The following COG6 variants were observed in gnomAD, a reference collection of about 807,000 sequenced individuals.
The protein encoded by COG6 is component of oligomeric golgi complex 6, also known as conserved oligomeric Golgi complex subunit 6.
In COG6, 74 loss-of-function variants were observed where a neutral mutation model predicts 88.8. The ratio of observed to expected loss-of-function variants is 0.83; its 90% CI spans 0.69 to 1.01. The LOEUF (loss-of-function observed/expected upper bound fraction) is 1.01. COG6 is among the 50% of genes least tolerant of loss of function. COG6 has a pLI of 0.00. For synonymous variants in COG6, 286 were observed against 278.7 expected, an observed-to-expected ratio of 1.03 and a Z score of -0.26; for missense variants, 800 against 797.9, an observed-to-expected ratio of 1.00 and a Z score of -0.03.
At chr13:39,791,568 T>C (rs1229273335) in exon 19 of COG6, 4 of 152,032 alleles carry the variant, frequency 2.6e-5, no homozygotes, top group Admixed American at 6.6e-5. Context: ...TGGTAGATTA[T>C]ATATCTGAAA....
At position 39,677,553 on chromosome 13, in the gene COG6, G is replaced by T. The variant is rs149797237; in HGVS notation, c.514G>T (p.Gly172Cys). The change falls in exon 5 of 19, where the codon GGT becomes TGT. Residue 172 changes from glycine (G) to cysteine (C), a missense_variant. By Grantham distance (159) the Gly-to-Cys change is radical (BLOSUM62 -3). Coordinates refer to ENST00000455146, the MANE Select transcript of COG6 (RefSeq NM_020751.3). ...LTSDEMSLLR[G>C]TREGPITEDF... is the part of the protein sequence containing the mutation. ...TTCTGATGAAATGAGTCTTCTCCGA[G>T]GTACAAGAGAAGGACCCATTACTGA... 6.2e-7 allele frequency: 1 copy of T among 1,610,416 alleles called. No homozygotes were observed. Among genetic ancestry groups the T allele is most frequent in the African/African-American group, 1.3e-5 (1 of 74,784 alleles).
chr13:39,758,227 AAAAAAAAAAAAAAAAT>A (rs796266270), intron 18 of COG6, among the ~76,000 whole-genome samples: 151 of 149,238 alleles, frequency 1.0e-3, no homozygotes, highest in African/African-American at 3.2e-3. Context: ...TCAAAAAAAA[AAAAAAAAAAAAAAAAT>A]GACGAGCTGG....
At chr13:39,745,311 A>G (rs1257771084) in intron 18 of COG6, among the ~76,000 whole-genome samples, 1 of 152,238 alleles carries the variant, frequency 6.6e-6, no homozygotes, top group Non-Finnish European at 1.5e-5. Flanking sequence ...GGCAACCTAC[A>G]GAATGGGAAA....
chr13:39,734,919 C>T (rs1879653843), intron 18 of COG6, among the ~76,000 whole-genome samples: 1 of 152,000 alleles, frequency 6.6e-6, no homozygotes, highest in African/African-American at 2.4e-5. Context: ...AGTATAGCTA[C>T]TCCTATTTTT....
At chr13:39,764,071 A>G (rs1881098171) in intron 18 of COG6, among the ~76,000 whole-genome samples, 1 of 151,734 alleles carries the variant, frequency 6.6e-6, no homozygotes, top group South Asian at 2.1e-4. Flanking sequence ...TAAAAATCCC[A>G]TTTTCTAAAT....
intron 18 of COG6, among the ~76,000 whole-genome samples, chr13:39,760,603 A>G (rs1880980607): frequency 6.6e-6 from 1 of 152,184 alleles, no homozygotes; most frequent in African/African-American, 2.4e-5. Context: ...ATACAATAAC[A>G]AACCATAATA....
chr13:39,699,730 A>T, intron 13 of COG6, 112 bp downstream of exon 13: 1 of 670,448 alleles, frequency 1.5e-6, no homozygotes, highest in Non-Finnish European at 2.7e-6. Flanking sequence ...TGTTCTTTTG[A>T]GTTCTTCCTG....
intron 15 of COG6, among the ~76,000 whole-genome samples, 176 bp downstream of exon 15, chr13:39,720,003 A>ACACACT (rs1252624613): frequency 6.7e-6 from 1 of 149,854 alleles, no homozygotes; most frequent in African/African-American, 2.5e-5. Context: ...CAACACACAC[A>ACACACT]CACACACACA....
At chr13:39,695,279 T>A (rs1409046324) in intron 12 of COG6, among the ~76,000 whole-genome samples, 1 of 151,832 alleles carries the variant, frequency 6.6e-6, no homozygotes, top group Non-Finnish European at 1.5e-5. Flanking sequence ...AGCAACTTTA[T>A]CTGATTAGGA....
At chr13:39,736,564 G>T (rs1193518726) in intron 18 of COG6, among the ~76,000 whole-genome samples, 1 of 151,686 alleles carries the variant, frequency 6.6e-6, no homozygotes, top group Admixed American at 6.6e-5. Context: ...AGTGGTGCAT[G>T]CCTGTAATCC....
chr13:39,770,191 C>T (rs1881280441), intron 18 of COG6, among the ~76,000 whole-genome samples: 1 of 152,210 alleles, frequency 6.6e-6, no homozygotes, highest in Non-Finnish European at 1.5e-5. Context: ...CTGCTATTGT[C>T]TTACACATAT....
intron 4 of COG6, among the ~76,000 whole-genome samples, chr13:39,669,370 T>C (rs1875479225): frequency 6.6e-6 from 1 of 152,260 alleles, no homozygotes; most frequent in Non-Finnish European, 1.5e-5. Context: ...AATAATCCTG[T>C]ATGCAAAGCC....
At chr13:39,753,552 A>G (rs962517334), downstream of COG6, among the ~76,000 whole-genome samples, 2 of 152,144 alleles carry the variant, frequency 1.3e-5, no homozygotes, top group Non-Finnish European at 2.9e-5. Flanking sequence ...CCAAGAATAG[A>G]AACTATTAGA....
At position 39,675,124 on chromosome 13, in the gene COG6, C is replaced by T. The variant is rs1383189532; in HGVS notation, c.429-2344C>T. On this transcript the variant is annotated intron_variant, in intron 4 of 18. Coordinates refer to ENST00000455146, the MANE Select transcript of COG6 (RefSeq NM_020751.3). ...ATTTATATAATATACAGTGATTGCA[C>T]AAACATAATCTTAAATACGCTAGAA... Among the ~76,000 whole-genome samples, 3 of 152,004 alleles carry T rather than the reference C, an allele frequency of 2.0e-5. No homozygotes were observed. In the East Asian group the frequency reaches 5.8e-4, roughly 29 times the overall value.
At chr13:39,763,162 A>G (rs1454893403) in intron 18 of COG6, among the ~76,000 whole-genome samples, 1 of 151,786 alleles carries the variant, frequency 6.6e-6, no homozygotes, top group African/African-American at 2.4e-5. Context: ...CCCTTTCTGT[A>G]TAAATCACTG....
intron 18 of COG6, among the ~76,000 whole-genome samples, chr13:39,775,673 A>G (rs1881442008): frequency 6.6e-6 from 1 of 152,196 alleles, no homozygotes; most frequent in African/African-American, 2.4e-5. Context: ...GTAGTTTTAC[A>G]TTTTAATACA....
chr13:39,738,770 A>G (rs1221568293), intron 18 of COG6, among the ~76,000 whole-genome samples: 1 of 152,184 alleles, frequency 6.6e-6, no homozygotes. Context: ...AAATTAGACT[A>G]CAGACAGATA....
At chr13:39,671,396 C>CT (rs557470710) in intron 4 of COG6, among the ~76,000 whole-genome samples, 6 of 147,786 alleles carry the variant, frequency 4.1e-5, no homozygotes, top group South Asian at 2.1e-4. Context: ...TACAAAAGAG[C>CT]TTTTTTTTTT....
rs552362444 is a variant in COG6, at chr13:39,674,404, T to A, written c.429-3064T>A. ...GGTGTAGGTGAACCTAGAGGTAGAA[T>A]TAAGATACGACAGAGATAAGTTTTC... On this transcript the variant is annotated intron_variant, in intron 4 of 18. Coordinates refer to ENST00000455146, the MANE Select transcript of COG6 (RefSeq NM_020751.3). Among the ~76,000 whole-genome samples the A allele has an allele frequency of 3.3e-5, 5 of 152,252 alleles. No homozygotes were observed. In the South Asian group the frequency reaches 1.0e-3, roughly 32 times the overall value.
Sources: gnomAD v4.1 joint callset for allele counts (sites outside exome capture counted in the v4.1 genomes callset) on GRCh38, gnomAD v4.1.1 for gene constraint, MANE v1.5 for transcripts, NCBI Gene and HGNC (gene_info 2026-07-23, HGNC 2026-07-21) for gene names.